Variants in MYRFL observed in about 807,000 individuals in gnomAD.
MYRFL encodes the protein myelin regulatory factor-like protein.
MYRFL carries 88 observed loss-of-function variants against 109.4 expected under a neutral mutation model. The observed-to-expected ratio is 0.80, with a 90% CI of 0.68 to 0.96. MYRFL has a LOEUF of 0.96. Ranked by LOEUF, MYRFL falls within the 40% of genes least tolerant of loss-of-function variation. MYRFL has a pLI of 0.00. For synonymous variants in MYRFL, 324 were observed against 320.9 expected (o/e 1.01, Z -0.10); for missense variants, 957 against 954.9 (o/e 1.00, Z -0.03).
At chr12:69,844,582 C>G (rs1368893226) in intron 1 of MYRFL, among the ~76,000 whole-genome samples, 1 of 152,084 alleles carries the variant, frequency 6.6e-6, no homozygotes, top group East Asian at 1.9e-4. Context: ...GGGGAGGCGG[C>G]GGGGCACGGG....
chr12:69,941,860 C>T (rs1240287378), intron 19 of MYRFL, among the ~76,000 whole-genome samples: 2 of 151,044 alleles, frequency 1.3e-5, no homozygotes, highest in Non-Finnish European at 3.0e-5. Flanking sequence ...GATATCACCA[C>T]CGATCCCACA....
chr12:69,889,059 T>C (rs1345504711), intron 6 of MYRFL, among the ~76,000 whole-genome samples: 2 of 152,282 alleles, frequency 1.3e-5, no homozygotes, highest in Admixed American at 1.3e-4. Flanking sequence ...AAGAGACCCA[T>C]TAATTTTTTC....
At chr12:69,898,366 A>G (rs1954071695) in intron 10 of MYRFL, among the ~76,000 whole-genome samples, 1 of 152,188 alleles carries the variant, frequency 6.6e-6, no homozygotes, top group African/African-American at 2.4e-5. Context: ...GTGTTCAGCA[A>G]TCCCAGGGTT....
chr12:69,926,932 G>GTTTTTTTTTTTTTTTTTTTTTTTTTTTTT lies in MYRFL; in HGVS notation c.1766+198_1766+199insTTTTTTTTTTTTTTTTTTTTTTTTTTTTT, dbSNP rs1336716063. Among the ~76,000 whole-genome samples the GTTTTTTTTTTTTTTTTTTTTTTTTTTTTT allele has an allele frequency of 3.0e-4, 23 of 76,850 alleles. 9 individuals carry two copies. Among genetic ancestry groups the GTTTTTTTTTTTTTTTTTTTTTTTTTTTTT allele is most frequent in the Non-Finnish European group, 4.1e-4 (16 of 39,078 alleles). 50.4% of individuals were successfully genotyped at this position (76,850 alleles called of 152,430 possible). A position where few individuals can be genotyped will look rare whatever the true frequency, so the allele number is the denominator to read the frequency against. On this transcript the variant is annotated intron_variant, in intron 14 of 24. Coordinates refer to ENST00000552032, the MANE Select transcript of MYRFL (RefSeq NM_182530.3). Reference sequence around the variant, plus strand: ...ACTTTCTTAGTTTTTTTCTGTTGCTGGTTTTTTTTTTTTTTTTTTTTTTTT... The same window carrying GTTTTTTTTTTTTTTTTTTTTTTTTTTTTT: ...ACTTTCTTAGTTTTTTTCTGTTGCTGTTTTTTTTTTTTTTTTTTTTTTTTTTTTTGTTTTTTTTTTTTTTTTTTTTTTTT...
intron 2 of MYRFL, among the ~76,000 whole-genome samples, chr12:69,875,854 T>C (rs11177922): frequency 0.096 from 14,640 of 152,254 alleles, 942 homozygotes; most frequent in Middle Eastern, 0.16. Context: ...ATTGCTGTTG[T>C]AGAGTAGTTT....
chr12:69,889,065 T>C (rs1367270755), intron 6 of MYRFL, among the ~76,000 whole-genome samples: 1 of 152,086 alleles, frequency 6.6e-6, no homozygotes, highest in East Asian at 1.9e-4. Context: ...CCCATTAATT[T>C]TTTCTGTTTC....
chr12:69,919,670 A>G (rs973061883), intron 13 of MYRFL, among the ~76,000 whole-genome samples: 1 of 152,162 alleles, frequency 6.6e-6, no homozygotes, highest in African/African-American at 2.4e-5. Context: ...ACAAAAATCT[A>G]AAGCTGAGTT....
intron 24 of MYRFL, 38 bp downstream of exon 24, chr12:69,958,361 A>G: frequency 1.3e-6 from 2 of 1,524,348 alleles, no homozygotes; most frequent in South Asian, 1.2e-5. Context: ...AGTGAGAAAG[A>G]AATTGAGCAA....
At chr12:69,939,205 C>CT (rs983336965) in intron 19 of MYRFL, among the ~76,000 whole-genome samples, 10 of 151,152 alleles carry the variant, frequency 6.6e-5, no homozygotes, top group African/African-American at 2.4e-4. Flanking sequence ...TCAAGGAGGC[C>CT]TGCCTGCCTG....
At chr12:69,934,594 ATGAT>A (rs1019558557) in intron 16 of MYRFL, among the ~76,000 whole-genome samples, 1 of 152,134 alleles carries the variant, frequency 6.6e-6, no homozygotes, top group South Asian at 2.1e-4. Flanking sequence ...GGTCACACTG[ATGAT>A]TGATTGAAGA....
intron 7 of MYRFL, among the ~76,000 whole-genome samples, chr12:69,892,778 G>A (rs558583968): frequency 6.6e-6 from 1 of 152,230 alleles, no homozygotes; most frequent in African/African-American, 2.4e-5. Context: ...TGAAAATTTT[G>A]GAACATAATA....
intron 2 of MYRFL, among the ~76,000 whole-genome samples, chr12:69,857,706 T>C (rs763007749): frequency 2.1e-3 from 322 of 151,820 alleles, no homozygotes; most frequent in Non-Finnish European, 3.5e-3. Flanking sequence ...GATTTTCATA[T>C]ATTGGGTTTG....
intron 1 of MYRFL, among the ~76,000 whole-genome samples, chr12:69,842,853 A>T (rs949975172): frequency 2.0e-5 from 3 of 152,222 alleles, no homozygotes; most frequent in Non-Finnish European, 4.4e-5. Flanking sequence ...GTATCCAAGC[A>T]CACGTTCATC....
intron 1 of MYRFL, among the ~76,000 whole-genome samples, chr12:69,854,102 CG>C (rs1555240778): frequency 6.6e-6 from 1 of 152,184 alleles, no homozygotes; most frequent in Non-Finnish European, 1.5e-5. Flanking sequence ...CCCGGCACCT[CG>C]GGAGGCCGAG....
chr12:69,957,703 G>C, intron 22 of MYRFL, 119 bp from the exon 23 acceptor site: 1 of 1,251,338 alleles, frequency 8.0e-7, no homozygotes, highest in Non-Finnish European at 1.1e-6. Context: ...TGCCTATTGT[G>C]AACTTTGAAT....
At position 69,930,655 on chromosome 12, in the gene MYRFL, C is replaced by CA. The variant is rs1955242194; in HGVS notation, c.1831-1852dup. Among the ~76,000 whole-genome samples, 4 of 151,592 alleles carry CA rather than the reference C, an allele frequency of 2.6e-5. No individual in the cohort carries two copies. In the South Asian group the frequency reaches 8.3e-4, roughly 32 times the overall value. On this transcript the variant is annotated intron_variant, in intron 15 of 24. Transcript: ENST00000552032. Reference sequence around the variant, plus strand: ...ACAACACAGTGAGACCCCATAGCTACAAAAAATTAAAAAATTAACTGGGTT... The same window carrying CA: ...ACAACACAGTGAGACCCCATAGCTACAAAAAAATTAAAAAATTAACTGGGTT...
intron 16 of MYRFL, 86 bp downstream of exon 16, chr12:69,932,684 C>A: frequency 1.0e-6 from 1 of 994,198 alleles, no homozygotes; most frequent in Non-Finnish European, 1.5e-6. Context: ...GGGGACTGGC[C>A]TGTTTACTTT....
intron 1 of MYRFL, among the ~76,000 whole-genome samples, chr12:69,829,149 G>A (rs1265874647): frequency 6.6e-6 from 1 of 152,126 alleles, no homozygotes; most frequent in East Asian, 1.9e-4. Flanking sequence ...GCTAGAACCT[G>A]TGGAAGGACA....
At chr12:69,832,359 G>C (rs1466601597) in intron 1 of MYRFL, among the ~76,000 whole-genome samples, 1 of 152,146 alleles carries the variant, frequency 6.6e-6, no homozygotes, top group Non-Finnish European at 1.5e-5. Flanking sequence ...TCTCCTAAGA[G>C]CCAGGGACTC....
Sources: allele counts gnomAD v4.1 joint callset (sites outside exome capture counted in the v4.1 genomes callset), GRCh38; gene constraint gnomAD v4.1.1; transcripts MANE v1.5; gene names NCBI Gene and HGNC (gene_info 2026-07-23, HGNC 2026-07-21).